Variants in TMCC1 observed in about 807,000 individuals in gnomAD.
TMCC1 encodes the protein transmembrane and coiled-coil domain family 1, also known as transmembrane and coiled-coil domains protein 1.
In TMCC1, 15 loss-of-function variants were observed where a neutral mutation model predicts 52.4. That is an observed-to-expected ratio of 0.29 (90% CI 0.19 to 0.44). TMCC1 has a LOEUF of 0.44. Among genes scored for constraint, TMCC1 ranks in the 20% least tolerant of loss-of-function variants. TMCC1 has a pLI of 1.00. For missense variants in TMCC1, 503 were observed against 806.0 expected (o/e 0.62, Z 4.55); for synonymous variants, 279 against 301.9 (o/e 0.92, Z 0.79).
intron 4 of TMCC1, among the ~76,000 whole-genome samples, chr3:129,676,030 C>CTT (rs1481339224): frequency 8.8e-6 from 1 of 113,942 alleles, no homozygotes; most frequent in East Asian, 2.3e-4. Context: ...GAGCGAGACT[C>CTT]TGTCTCAAAA....
chr3:129,863,089 T>C (rs572350695), intron 2 of TMCC1, among the ~76,000 whole-genome samples: 1 of 152,282 alleles, frequency 6.6e-6, no homozygotes, highest in South Asian at 2.1e-4. Context: ...AAAAAGAAGA[T>C]ACTGACTGGA....
At chr3:129,680,568 T>G (rs2088880409) in intron 4 of TMCC1, among the ~76,000 whole-genome samples, 1 of 152,088 alleles carries the variant, frequency 6.6e-6, no homozygotes, top group African/African-American at 2.4e-5. Context: ...CCACTACCAC[T>G]TGAGCAGCAG....
chr3:129,707,660 G>A (rs995746124), intron 4 of TMCC1, among the ~76,000 whole-genome samples: 1 of 152,164 alleles, frequency 6.6e-6, no homozygotes, highest in Non-Finnish European at 1.5e-5. Context: ...TTGGTCAGAC[G>A]TGGTGGCTCA....
In TMCC1 at chr3:129,835,395, A is replaced by C. The variant is rs555869469; in HGVS notation, c.-183-2569T>G. On this transcript the variant is annotated intron_variant, in intron 2 of 6. Coordinates refer to ENST00000393238, the MANE Select transcript of TMCC1 (RefSeq NM_001017395.5). ...TGTTAGCATATGCTTAGTTTTTCCT[A>C]ATTATCTAGCTGAACCAGCCCCACC... 2.1e-3 allele frequency among the ~76,000 whole-genome samples: 325 copies of C among 152,038 alleles called. 1 individual carries two copies. Among genetic ancestry groups the C allele is most frequent in the African/African-American group, 7.5e-3 (311 of 41,504 alleles).
intron 4 of TMCC1, among the ~76,000 whole-genome samples, chr3:129,716,958 G>A (rs1282382223): frequency 6.6e-6 from 1 of 152,190 alleles, no homozygotes; most frequent in East Asian, 1.9e-4. Flanking sequence ...ATTTCGAATA[G>A]TGCTGGCACA....
chr3:129,706,252 T>TG (rs947832738), intron 4 of TMCC1, among the ~76,000 whole-genome samples: 6 of 151,852 alleles, frequency 4.0e-5, no homozygotes, highest in African/African-American at 1.5e-4. Context: ...TCACCCAAAT[T>TG]GGAGTGCAGT....
chr3:129,831,268 T>C (rs900171064), intron 3 of TMCC1, among the ~76,000 whole-genome samples: 2 of 152,162 alleles, frequency 1.3e-5, no homozygotes, highest in Non-Finnish European at 2.9e-5. Context: ...AAAATGATGA[T>C]TGATTACAAG....
chr3:129,875,991 T>C (rs563623958), intron 2 of TMCC1, among the ~76,000 whole-genome samples: 1 of 152,108 alleles, frequency 6.6e-6, no homozygotes, highest in African/African-American at 2.4e-5. Context: ...AAAAACTAGC[T>C]GGGTGTGATG....
At chr3:129,677,776 C>T (rs536011416) in intron 4 of TMCC1, among the ~76,000 whole-genome samples, 4 of 152,276 alleles carry the variant, frequency 2.6e-5, no homozygotes, top group East Asian at 3.9e-4. Context: ...CCTAATCCCA[C>T]GTTAGGACTA....
intron 4 of TMCC1, among the ~76,000 whole-genome samples, chr3:129,715,244 C>T (rs1487452606): frequency 1.3e-5 from 2 of 152,096 alleles, no homozygotes; most frequent in Non-Finnish European, 2.9e-5. Flanking sequence ...TATATCCAAC[C>T]CTGTCCCCAT....
At chr3:129,735,058 C>A (rs913594962) in intron 4 of TMCC1, among the ~76,000 whole-genome samples, 1 of 151,976 alleles carries the variant, frequency 6.6e-6, no homozygotes, top group African/African-American at 2.4e-5. Context: ...CCCGCCACCA[C>A]GCCCGGCTAA....
intron 4 of TMCC1, among the ~76,000 whole-genome samples, chr3:129,726,587 G>C (rs2050103315): frequency 6.6e-6 from 1 of 151,656 alleles, no homozygotes; most frequent in South Asian, 2.1e-4. Context: ...AAGTCTCCTA[G>C]GGATGTGAAG....
intron 2 of TMCC1, among the ~76,000 whole-genome samples, chr3:129,840,675 T>G (rs1314872462): frequency 6.6e-6 from 1 of 152,188 alleles, no homozygotes; most frequent in Non-Finnish European, 1.5e-5. Flanking sequence ...TCATGAAATC[T>G]GATTGTTTAA....
At position 129,801,969 on chromosome 3, in the gene TMCC1, C is replaced by T. The variant is rs13073168; in HGVS notation, c.576+25834G>A. Among the ~76,000 whole-genome samples, 905 of 152,168 alleles carry T rather than the reference C, an allele frequency of 5.9e-3. 4 individuals carry two copies. Among genetic ancestry groups the T allele is most frequent in the Non-Finnish European group, 9.5e-3 (643 of 67,994 alleles). ...ACCAAATAGTGTTATTTAGTGTTTC[C>T]GGCATCAGAGCTTTCAAGTTAAAAA... On this transcript the variant is annotated intron_variant, in intron 4 of 6. Transcript: ENST00000393238.
intron 2 of TMCC1, among the ~76,000 whole-genome samples, chr3:129,837,771 G>A (rs2059232515): frequency 6.6e-6 from 1 of 152,128 alleles, no homozygotes; most frequent in Non-Finnish European, 1.5e-5. Flanking sequence ...AATGAAAGAG[G>A]TAGACAACAT....
chr3:129,751,709 T>A (rs2052542517), intron 4 of TMCC1, among the ~76,000 whole-genome samples: 1 of 152,008 alleles, frequency 6.6e-6, no homozygotes, highest in Non-Finnish European at 1.5e-5. Flanking sequence ...TACAGGTGCA[T>A]GCCACTACGC....
intron 4 of TMCC1, among the ~76,000 whole-genome samples, chr3:129,720,875 T>A (rs969002950): frequency 6.6e-6 from 1 of 151,934 alleles, no homozygotes; most frequent in African/African-American, 2.4e-5. Flanking sequence ...TTATTTTTTT[T>A]AAAGACAAGC....
intron 4 of TMCC1, among the ~76,000 whole-genome samples, chr3:129,690,868 C>A (rs1003141607): frequency 6.6e-6 from 1 of 152,160 alleles, no homozygotes; most frequent in Non-Finnish European, 1.5e-5. Flanking sequence ...TTTAGAGGTT[C>A]CGCCAAGATG....
At chr3:129,826,866 G>A (rs976180920) in intron 4 of TMCC1, among the ~76,000 whole-genome samples, 1 of 152,128 alleles carries the variant, frequency 6.6e-6, no homozygotes, top group African/African-American at 2.4e-5. Context: ...CAAAAGTAAT[G>A]CTGAAAGATA....
Sources: allele counts gnomAD v4.1 joint callset (sites outside exome capture counted in the v4.1 genomes callset), GRCh38; gene constraint gnomAD v4.1.1; transcripts MANE v1.5; gene names NCBI Gene and HGNC (gene_info 2026-07-23, HGNC 2026-07-21).